The following RASAL2 variants were observed in gnomAD, a reference collection of about 807,000 sequenced individuals.
RASAL2 encodes ras GTPase-activating protein nGAP.
A neutral mutation model predicts 128.9 loss-of-function variants in RASAL2; 58 were observed. The ratio of observed to expected loss-of-function variants is 0.45; its 90% CI spans 0.36 to 0.56. The LOEUF is 0.56. Among genes scored for constraint, RASAL2 ranks in the 20% least tolerant of loss-of-function variants. RASAL2 has a pLI of 0.00. For missense variants in RASAL2, 1,360 were observed against 1,601.6 expected (o/e 0.85, Z 2.57); for synonymous variants, 561 against 580.8 (o/e 0.97, Z 0.49).
At chr1:178,220,994 C>T (rs1663595676) in intron 1 of RASAL2, among the ~76,000 whole-genome samples, 1 of 152,180 alleles carries the variant, frequency 6.6e-6, no homozygotes, top group Admixed American at 6.5e-5. Context: ...AAAGAAACTG[C>T]CAAATCGTCT....
At chr1:178,353,305 T>C (rs1220831402) in intron 3 of RASAL2, among the ~76,000 whole-genome samples, 2 of 152,220 alleles carry the variant, frequency 1.3e-5, no homozygotes, top group Middle Eastern at 3.2e-3. Flanking sequence ...ACTTTGATGC[T>C]TAGAGATTTC....
intron 14 of RASAL2, among the ~76,000 whole-genome samples, chr1:178,462,877 A>G (rs1388414848): frequency 8.5e-5 from 13 of 152,166 alleles, no homozygotes; most frequent in Admixed American, 5.2e-4. Context: ...ATATATAACT[A>G]TAATCTGTAA....
intron 1 of RASAL2, chr1:178,123,121 C>A (rs138037041): frequency 6.6e-6 from 1 of 152,130 alleles, no homozygotes; most frequent in Non-Finnish European, 1.5e-5. Flanking sequence ...CTTCCTTCAC[C>A]CATCTCTCAC....
chr1:178,172,505 A>C (rs1661736730), intron 1 of RASAL2, among the ~76,000 whole-genome samples: 1 of 152,058 alleles, frequency 6.6e-6, no homozygotes, highest in African/African-American at 2.4e-5. Flanking sequence ...TATCAGACCT[A>C]TTGCCCGCTT....
chr1:178,263,018 C>G (rs1665772954), intron 1 of RASAL2, among the ~76,000 whole-genome samples: 1 of 152,044 alleles, frequency 6.6e-6, no homozygotes, highest in Non-Finnish European at 1.5e-5. Context: ...AGCAATATAA[C>G]TAGAGTCTGT....
At chr1:178,160,852 C>T (rs1251787940) in intron 1 of RASAL2, among the ~76,000 whole-genome samples, 3 of 152,040 alleles carry the variant, frequency 2.0e-5, no homozygotes, top group Non-Finnish European at 2.9e-5. Flanking sequence ...TTTAAGAGAG[C>T]GTATTTAAAC....
chr1:178,242,028 T>C (rs1375349486), intron 1 of RASAL2, among the ~76,000 whole-genome samples: 2 of 152,202 alleles, frequency 1.3e-5, no homozygotes, highest in African/African-American at 4.8e-5. Flanking sequence ...TGTTTCTTGA[T>C]TTATTTATAG....
At position 178,458,106 on chromosome 1, in the gene RASAL2, G is replaced by A; in HGVS notation, c.2814G>A (p.Lys938=). 6.2e-7 allele frequency: 1 copy of A among 1,614,180 alleles called. No homozygotes were observed. Among genetic ancestry groups the A allele is most frequent in the South Asian group, 1.1e-5 (1 of 91,078 alleles). Residue 938 remains lysine (K), a synonymous_variant, in exon 14 of 18, where the codon AAG becomes AAA. Coordinates refer to ENST00000367649, the MANE Select transcript of RASAL2 (RefSeq NM_170692.4). Reference sequence around the variant, plus strand: ...ATAACCCAATTCCAGCAATGCCAAAGGCCTCTATAGATTCCAGTTTGGAGA... The same window carrying A: ...ATAACCCAATTCCAGCAATGCCAAAAGCCTCTATAGATTCCAGTTTGGAGA... ...HLNNPIPAMP[K]ASIDSSLENL...
In RASAL2 at chr1:178,252,867, A is replaced by G. The variant is rs570090542; in HGVS notation, c.203-30697A>G. On this transcript the variant is annotated intron_variant, in intron 1 of 17. Coordinates refer to ENST00000367649, the MANE Select transcript of RASAL2 (RefSeq NM_170692.4). ...CTTTTTGCCACCTAAATATTTCTCT[A>G]TTACAACCTTCGTTTATCTCTCCCC... Among the ~76,000 whole-genome samples, 3 of 152,266 alleles carry G rather than the reference A, an allele frequency of 2.0e-5. No individual in the cohort carries two copies. The East Asian group carries it at 5.8e-4, about 29-fold the overall frequency.
intron 1 of RASAL2, among the ~76,000 whole-genome samples, chr1:178,257,427 G>T (rs1318701863): frequency 6.8e-6 from 1 of 146,518 alleles, no homozygotes; most frequent in Admixed American, 6.7e-5. Flanking sequence ...AGGGATATGT[G>T]TGTGTGTGTG....
intron 3 of RASAL2, among the ~76,000 whole-genome samples, chr1:178,367,436 T>A (rs566352626): frequency 6.6e-6 from 1 of 152,302 alleles, no homozygotes; most frequent in Non-Finnish European, 1.5e-5. Flanking sequence ...TGGTATTATT[T>A]ACCATCTAAC....
intron 6 of RASAL2, among the ~76,000 whole-genome samples, chr1:178,441,316 T>C (rs1435861227): frequency 6.6e-6 from 1 of 152,168 alleles, no homozygotes; most frequent in Non-Finnish European, 1.5e-5. Flanking sequence ...ACTAAATTAG[T>C]ATATTAATTT....
chr1:178,273,011 T>C (rs1282053681), intron 1 of RASAL2, among the ~76,000 whole-genome samples: 1 of 152,192 alleles, frequency 6.6e-6, no homozygotes, highest in Non-Finnish European at 1.5e-5. Flanking sequence ...GATTAAAATA[T>C]TACTAAAAGA....
At chr1:178,430,712 T>A (rs1260449581) in intron 5 of RASAL2, among the ~76,000 whole-genome samples, 2 of 152,110 alleles carry the variant, frequency 1.3e-5, no homozygotes, top group Non-Finnish European at 2.9e-5. Context: ...TTAAATGAGA[T>A]AACTGAGGTT....
chr1:178,156,725 G>A (rs1000376235), intron 1 of RASAL2, among the ~76,000 whole-genome samples: 6 of 152,126 alleles, frequency 3.9e-5, no homozygotes, highest in African/African-American at 1.4e-4. Context: ...ACGAGCTAAA[G>A]ACATGAAATA....
At chr1:178,452,734 C>A (rs1677470809) in intron 11 of RASAL2, 82 bp downstream of exon 11, 4 of 1,097,824 alleles carry the variant, frequency 3.6e-6, no homozygotes, top group Non-Finnish European at 5.4e-6. Flanking sequence ...GGTTGGGAGC[C>A]TCATCACTCA....
At chr1:178,373,274 C>CTTTTTTTCTTTTTTTTTTTTTTT (rs1671814730) in intron 3 of RASAL2, among the ~76,000 whole-genome samples, 1 of 60,072 alleles carries the variant, frequency 1.7e-5, no homozygotes, top group Non-Finnish European at 3.0e-5. Flanking sequence ...TGTTTCTTTC[C>CTTTTTTTCTTTTTTTTTTTTTTT]TTTTTTTTTT....
chr1:178,245,177 A>G (rs888889174), intron 1 of RASAL2, among the ~76,000 whole-genome samples: 1 of 152,218 alleles, frequency 6.6e-6, no homozygotes, highest in African/African-American at 2.4e-5. Context: ...GGCTGAACTA[A>G]TTTACACTGC....
intron 3 of RASAL2, among the ~76,000 whole-genome samples, chr1:178,313,838 C>G: frequency 6.6e-6 from 1 of 152,044 alleles, no homozygotes; most frequent in East Asian, 1.9e-4. Context: ...TTAGTTTTTC[C>G]TTATCTAAGG....
Sources: allele counts gnomAD v4.1 joint callset (sites outside exome capture counted in the v4.1 genomes callset), GRCh38; gene constraint gnomAD v4.1.1; transcripts MANE v1.5; gene names NCBI Gene and HGNC (gene_info 2026-07-23, HGNC 2026-07-21).